The following RBP7 variants were observed in gnomAD, a reference collection of about 807,000 sequenced individuals.
RBP7 encodes retinoid-binding protein 7.
In RBP7, 13 loss-of-function variants were observed where a neutral mutation model predicts 16.7. The ratio of observed to expected loss-of-function variants is 0.78; its 90% CI spans 0.51 to 1.24. The LOEUF (loss-of-function observed/expected upper bound fraction) is 1.24. RBP7 is among the 50% of genes most tolerant of loss of function. The pLI is 0.00. For synonymous variants in RBP7, 54 were observed against 56.2 expected (o/e 0.96, Z 0.17); for missense variants, 145 against 159.5 (o/e 0.91, Z 0.49).
intron 1 of RBP7, among the ~76,000 whole-genome samples, chr1:9,998,165 T>C (rs1035322570): frequency 5.3e-5 from 8 of 152,014 alleles, no homozygotes; most frequent in African/African-American, 1.7e-4. Flanking sequence ...GCTAATTTTG[T>C]ACTTTTAGTA....
intron 1 of RBP7, among the ~76,000 whole-genome samples, chr1:10,002,227 C>T (rs551764603): frequency 2.0e-5 from 3 of 152,130 alleles, no homozygotes; most frequent in Non-Finnish European, 4.4e-5. Flanking sequence ...ACATCTGAAG[C>T]TTAGATAAAT....
rs1268490089 is a variant in RBP7 at position 10,009,624 on chromosome 1, TG to T, written c.354+1353del. Among the ~76,000 whole-genome samples, 4 of 151,180 alleles carry T rather than the reference TG, an allele frequency of 2.6e-5. No homozygotes were observed. In the Admixed American group the frequency reaches 2.6e-4, roughly 10 times the overall value. ...TCAGCTCACTGCAACCTCTGCCTCC[TG>T]GGTTCAAGCGATCCTCCCACCTCAG... On this transcript the variant is annotated intron_variant, in intron 3 of 3. Transcript: ENST00000294435.
At chr1:10,007,434 A>AT in intron 1 of RBP7, 136 bp from the exon 2 acceptor site, 2 of 715,754 alleles carry the variant, frequency 2.8e-6, no homozygotes, top group Non-Finnish European at 4.6e-6. Flanking sequence ...TGTAGATCTG[A>AT]TTTTGGCAGC....
At position 10,008,217 on chromosome 1, in the gene RBP7, G is replaced by A. The variant is rs966931331; in HGVS notation, c.297G>A (p.Lys99=). ...WDNDRLTCIQ[K]GEKKNRGWTH... ...ATGACAGGCTCACCTGTATCCAGAA[G>A]GGAGAAAAGAAGAACAGAGGCTGGA... Residue 99 remains lysine, a synonymous_variant, in exon 3 of 4, where the codon AAG becomes AAA. Transcript: ENST00000294435. The A allele has an allele frequency of 1.9e-6, 3 of 1,613,250 alleles. No homozygotes were observed. The highest frequency in any genetic ancestry group is 2.7e-5 in the African/African-American group (2 of 74,746).
At position 9,997,454 on chromosome 1, in the gene RBP7, C is replaced by G. The variant is rs1242515678; in HGVS notation, c.73+123C>G. The G allele has an allele frequency of 2.2e-6, 2 of 913,140 alleles. No individual in the cohort carries two copies. The highest frequency in any genetic ancestry group is 3.3e-6 in the Non-Finnish European group (2 of 601,776). 56.6% of individuals were successfully genotyped at this position (913,140 alleles called of 1,614,324 possible). ...CGTGCCTCCGCCCTGCTGCGCCCAC[C>G]GTCGCCCAGTCGCCCCCGAGTCCGC... On this transcript the variant is annotated intron_variant, in intron 1 of 3. Coordinates refer to ENST00000294435, the MANE Select transcript of RBP7 (RefSeq NM_052960.3). This position sits in a 1 kb window ranked among gnomAD's most constrained non-coding sequence, Gnocchi z 5.9.
chr1:10,009,537 T>G (rs1024125817), intron 3 of RBP7, among the ~76,000 whole-genome samples: 6 of 142,514 alleles, frequency 4.2e-5, no homozygotes, highest in Non-Finnish European at 7.5e-5. Flanking sequence ...TTTTTTTTTT[T>G]GAGATGGAGT....
intron 1 of RBP7, among the ~76,000 whole-genome samples, chr1:10,004,655 C>G (rs1462104637): frequency 6.6e-6 from 1 of 152,178 alleles, no homozygotes; most frequent in African/African-American, 2.4e-5. Context: ...CAACCGTGCC[C>G]GGCGCCTCAC....
chr1:9,999,675 T>C (rs1642230117), intron 1 of RBP7, among the ~76,000 whole-genome samples: 1 of 152,172 alleles, frequency 6.6e-6, no homozygotes, highest in Admixed American at 6.6e-5. Context: ...AGAACGGTTT[T>C]CTGAAAACCA....
At chr1:10,010,016 A>G (rs1642571344) in intron 3 of RBP7, among the ~76,000 whole-genome samples, 1 of 152,174 alleles carries the variant, frequency 6.6e-6, no homozygotes, top group African/African-American at 2.4e-5. Context: ...AAATGTATAC[A>G]GGTGTACAAC....
intron 3 of RBP7, among the ~76,000 whole-genome samples, chr1:10,010,621 G>A (rs1642590118): frequency 7.5e-6 from 1 of 132,984 alleles, no homozygotes; most frequent in African/African-American, 2.9e-5. Flanking sequence ...TTTCGCTCTT[G>A]TTGCCCAGGC....
At chr1:10,005,187 T>C (rs1642408632) in intron 1 of RBP7, among the ~76,000 whole-genome samples, 1 of 152,152 alleles carries the variant, frequency 6.6e-6, no homozygotes, top group Admixed American at 6.6e-5. Context: ...TATGCCCAGC[T>C]GTTTTTTTGA....
At chr1:10,002,952 G>A (rs572273712) in intron 1 of RBP7, among the ~76,000 whole-genome samples, 20 of 152,200 alleles carry the variant, frequency 1.3e-4, no homozygotes, top group East Asian at 5.8e-4. Flanking sequence ...TTGGGACAGC[G>A]GACCAAACTG....
At chr1:10,008,470 A>G (rs1642509667) in intron 3 of RBP7, among the ~76,000 whole-genome samples, 196 bp downstream of exon 3, 1 of 142,724 alleles carries the variant, frequency 7.0e-6, no homozygotes, top group Admixed American at 7.2e-5. Context: ...GAGATGGAGT[A>G]TCGCTGTGTC....
chr1:10,010,772 C>T (rs1009846393), intron 3 of RBP7, among the ~76,000 whole-genome samples: 15 of 150,436 alleles, frequency 1.0e-4, no homozygotes, highest in Non-Finnish European at 1.2e-4. Flanking sequence ...TCAGTAGAGA[C>T]GGGGTTTCTC....
intron 2 of RBP7, among the ~76,000 whole-genome samples, 157 bp from the exon 3 acceptor site, chr1:10,008,016 T>C (rs924926322): frequency 6.7e-6 from 1 of 150,182 alleles, no homozygotes; most frequent in East Asian, 2.0e-4. Flanking sequence ...ATCGTGCCAC[T>C]GCACTCCAGC....
chr1:10,003,841 C>T (rs536436766), intron 1 of RBP7, among the ~76,000 whole-genome samples: 3 of 152,212 alleles, frequency 2.0e-5, no homozygotes, highest in Middle Eastern at 3.4e-3. Context: ...CTGCAACCTC[C>T]ACCTCCCGGG....
At chr1:9,998,407 CTTTT>C (rs772810621) in intron 1 of RBP7, among the ~76,000 whole-genome samples, 2 of 121,588 alleles carry the variant, frequency 1.6e-5, no homozygotes, top group South Asian at 5.4e-4. Flanking sequence ...TTCTTTCTTT[CTTTT>C]TTTTTTTTTT....
At chr1:10,015,448 C>A (rs79103061) in intron 3 of RBP7, among the ~76,000 whole-genome samples, 431 of 94,296 alleles carry the variant, frequency 4.6e-3, no homozygotes, top group Middle Eastern at 5.7e-3. Flanking sequence ...GACTCCATCT[C>A]AAAAAAAAAA....
chr1:10,013,322 C>T (rs534826705), intron 3 of RBP7, among the ~76,000 whole-genome samples: 13 of 152,220 alleles, frequency 8.5e-5, no homozygotes, highest in Non-Finnish European at 1.3e-4. Flanking sequence ...ATCCACCCCC[C>T]TCAGCCTCCC....
Sources: gnomAD v4.1 joint callset for allele counts (sites outside exome capture counted in the v4.1 genomes callset) on GRCh38, gnomAD v4.1.1 for gene constraint, Gnocchi (gnomAD v3.1) non-coding constraint, MANE v1.5 for transcripts, NCBI Gene and HGNC (gene_info 2026-07-23, HGNC 2026-07-21) for gene names.